The following DEFB1 variants were observed in gnomAD, a reference collection of about 807,000 sequenced individuals.
DEFB1 encodes the protein beta-defensin 1.
Under a neutral mutation model 2.6 loss-of-function variants are expected in DEFB1, and 4 were observed. That is an observed-to-expected ratio of 1.53 (90% CI 0.76 to 3.51). The LOEUF (loss-of-function observed/expected upper bound fraction) is 3.51, where lower values mean the gene tolerates loss of function less well. DEFB1 is among the 30% of genes most tolerant of loss of function. DEFB1 has a pLI of 0.01. For synonymous variants in DEFB1, 56 were observed against 28.5 expected, an observed-to-expected ratio of 1.96 and a Z score of -3.07; for missense variants, 162 against 76.9, an observed-to-expected ratio of 2.11 and a Z score of -4.14.
At chr8:6,873,110 A>G (rs748533984) in intron 1 of DEFB1, among the ~76,000 whole-genome samples, 1 of 152,204 alleles carries the variant, frequency 6.6e-6, no homozygotes, top group African/African-American at 2.4e-5. Context: ...TTTAATATGG[A>G]TGTAGCTTTT....
At chr8:6,874,190 A>G (rs898436530) in intron 1 of DEFB1, among the ~76,000 whole-genome samples, 1 of 152,084 alleles carries the variant, frequency 6.6e-6, no homozygotes, top group Non-Finnish European at 1.5e-5. Context: ...TAGAGAACCA[A>G]CAGTAAAGAA....
chr8:6,877,464 C>G (rs548139111), intron 1 of DEFB1, among the ~76,000 whole-genome samples: 1 of 152,362 alleles, frequency 6.6e-6, no homozygotes, highest in African/African-American at 2.4e-5. Flanking sequence ...GCATAGGAAG[C>G]TGGCCTCTCA....
At chr8:6,876,156 G>A (rs145041507) in intron 1 of DEFB1, among the ~76,000 whole-genome samples, 99 of 152,134 alleles carry the variant, frequency 6.5e-4, no homozygotes, top group East Asian at 5.4e-3. Flanking sequence ...TTTACTACAT[G>A]GCATGAAGTA....
intron 1 of DEFB1, among the ~76,000 whole-genome samples, chr8:6,872,362 G>C (rs1310570930): frequency 7.9e-5 from 12 of 152,208 alleles, no homozygotes; most frequent in Admixed American, 2.6e-4. Context: ...AAGTGCTCAC[G>C]AGCACTATGT....
chr8:6,870,675 C>G lies in DEFB1; in HGVS notation c.*6G>C, dbSNP rs1799947. The G allele has an allele frequency of 2.5e-5, 40 of 1,612,726 alleles. No individual in the cohort carries two copies. The highest frequency in any genetic ancestry group is 8.4e-5 in the Admixed American group (5 of 59,618). On this transcript the variant is annotated 3_prime_UTR_variant, in exon 2 of 2. Transcript: ENST00000297439. ...TTCTGCGTCATTTCTTCTGGTCACT[C>G]CCAGCTCACTTGCAGCACTTGGCCT...
At chr8:6,872,107 G>C (rs534721763) in intron 1 of DEFB1, among the ~76,000 whole-genome samples, 1 of 152,182 alleles carries the variant, frequency 6.6e-6, no homozygotes, top group Admixed American at 6.5e-5. Context: ...CTCAATGCCT[G>C]GTTTCTGGTC....
At position 6,871,808 on chromosome 8, in the gene DEFB1, C is replaced by G. The variant is rs79698843; in HGVS notation, c.62-982G>C. On this transcript the variant is annotated intron_variant, in intron 1 of 1. Coordinates refer to ENST00000297439, the MANE Select transcript of DEFB1 (RefSeq NM_005218.4). Reference sequence around the variant, plus strand: ...ACCTGAGAAGAAGCCAACCCTGCTTCCACCTTGATCGCAGACTTCCTGCCT... The same window carrying G: ...ACCTGAGAAGAAGCCAACCCTGCTTGCACCTTGATCGCAGACTTCCTGCCT... Among the ~76,000 whole-genome samples the G allele has an allele frequency of 9.0e-3, 1,376 of 152,310 alleles. 26 individuals carry two copies. Among genetic ancestry groups the G allele is most frequent in the African/African-American group, 0.032 (1,311 of 41,570 alleles).
intron 1 of DEFB1, among the ~76,000 whole-genome samples, chr8:6,877,198 G>T (rs1038372239): frequency 1.3e-5 from 2 of 152,236 alleles, no homozygotes; most frequent in African/African-American, 2.4e-5. Context: ...GGTCATGGCT[G>T]CTTTGGCCCA....
chr8:6,871,124 C>A (rs778520317), intron 1 of DEFB1, among the ~76,000 whole-genome samples: 18 of 152,174 alleles, frequency 1.2e-4, no homozygotes, highest in Admixed American at 4.6e-4. Flanking sequence ...GTTATTTTTC[C>A]AAACAAGTTT....
intron 1 of DEFB1, among the ~76,000 whole-genome samples, chr8:6,872,652 G>T (rs528223373): frequency 9.2e-5 from 14 of 152,320 alleles, no homozygotes; most frequent in Admixed American, 3.3e-4. Context: ...TCCCATCCCA[G>T]TACTCAGGGA....
chr8:6,872,812 A>G (rs1473027976), intron 1 of DEFB1, among the ~76,000 whole-genome samples: 20 of 152,198 alleles, frequency 1.3e-4, no homozygotes, highest in Admixed American at 1.3e-3. Flanking sequence ...GACCTCAAGT[A>G]AGATCATGAC....
chr8:6,872,912 A>G (rs1806373651), intron 1 of DEFB1, among the ~76,000 whole-genome samples: 1 of 152,096 alleles, frequency 6.6e-6, no homozygotes, highest in African/African-American at 2.4e-5. Flanking sequence ...GAGGATGCCT[A>G]CTCCAACCCA....
rs1412921434 is a variant in DEFB1 at position 6,873,550 on chromosome 8, TG to T, written c.62-2725del. Among the ~76,000 whole-genome samples, 8 of 152,312 alleles carry T rather than the reference TG, an allele frequency of 5.3e-5. No individual in the cohort carries two copies. In the East Asian group the frequency reaches 1.5e-3, roughly 29 times the overall value. ...TAAAAAAGAATGAAGGTGTGTCCTT[TG>T]CAGCAACACAGATGCAGCTGGAGGC... On this transcript the variant is annotated intron_variant, in intron 1 of 1. Transcript: ENST00000297439.
rs746370381 is a variant in DEFB1 at position 6,870,658 on chromosome 8, CAT to C, written c.*21_*22del. 4.9e-5 allele frequency: 78 copies of C among 1,601,322 alleles called. No homozygotes were observed. The highest frequency in any genetic ancestry group is 6.4e-5 in the Non-Finnish European group (75 of 1,176,490). On this transcript the variant is annotated 3_prime_UTR_variant, in exon 2 of 2. Transcript: ENST00000297439. ...TAAAAAGTTCATTTCACTTCTGCGT[CAT>C]TTCTTCTGGTCACTCCCAGCTCACT...
chr8:6,871,276 C>T (rs961284268), intron 1 of DEFB1, among the ~76,000 whole-genome samples: 1 of 152,194 alleles, frequency 6.6e-6, no homozygotes, highest in Non-Finnish European at 1.5e-5. Context: ...ATCCCGGCCC[C>T]CTCACTTCCC....
chr8:6,873,941 G>A (rs892999652), intron 1 of DEFB1, among the ~76,000 whole-genome samples: 1 of 152,174 alleles, frequency 6.6e-6, no homozygotes, highest in Non-Finnish European at 1.5e-5. Flanking sequence ...AAAAGCACTT[G>A]CCTTTAACAT....
intron 1 of DEFB1, among the ~76,000 whole-genome samples, chr8:6,875,911 T>C (rs1806509173): frequency 6.6e-6 from 1 of 152,110 alleles, no homozygotes; most frequent in Non-Finnish European, 1.5e-5. Flanking sequence ...AAGTGAGTGA[T>C]TATTCTTGGG....
In DEFB1 at chr8:6,870,656, G is replaced by C. The variant is rs377009979; in HGVS notation, c.*25C>G. The stretch of plus-strand genomic sequence containing the variant: ...TATAAAAAGTTCATTTCACTTCTGC[G>C]TCATTTCTTCTGGTCACTCCCAGCT... On this transcript the variant is annotated 3_prime_UTR_variant, in exon 2 of 2. Transcript: ENST00000297439. 1.2e-6 allele frequency: 2 copies of C among 1,600,520 alleles called. No homozygotes were observed. Among genetic ancestry groups the C allele is most frequent in the East Asian group, 2.2e-5 (1 of 44,792 alleles).
chr8:6,877,231 T>G (rs939198687), intron 1 of DEFB1, among the ~76,000 whole-genome samples: 1 of 152,222 alleles, frequency 6.6e-6, no homozygotes, highest in East Asian at 1.9e-4. Context: ...TACACCTGGC[T>G]CACAGGAAGC....
Sources: allele counts gnomAD v4.1 joint callset (sites outside exome capture counted in the v4.1 genomes callset), GRCh38; gene constraint gnomAD v4.1.1; transcripts MANE v1.5; gene names NCBI Gene and HGNC (gene_info 2026-07-23, HGNC 2026-07-21).